Variants in CCDC102B observed in about 807,000 individuals in gnomAD.
The protein encoded by CCDC102B is coiled-coil domain-containing protein 102B.
In CCDC102B, 75 loss-of-function variants were observed where a neutral mutation model predicts 57.4. The ratio of observed to expected loss-of-function variants is 1.31; its 90% CI spans 1.08 to 1.58. The LOEUF (loss-of-function observed/expected upper bound fraction) is 1.58. CCDC102B is among the 40% of genes most tolerant of loss of function. CCDC102B has a pLI of 0.00. For missense variants in CCDC102B, 636 were observed against 582.6 expected, an observed-to-expected ratio of 1.09 and a Z score of -0.94; for synonymous variants, 206 against 201.9, an observed-to-expected ratio of 1.02 and a Z score of -0.17.
At chr18:68,838,550 A>C in intron 2 of CCDC102B, 156 bp from the exon 3 acceptor site, 1 of 985,422 alleles carries the variant, frequency 1.0e-6, no homozygotes, top group Non-Finnish European at 1.2e-6. Flanking sequence ...GAAGAATGCA[A>C]GTAAGTGTGG....
chr18:68,775,046 CT>C (rs1261066798), intron 2 of CCDC102B, among the ~76,000 whole-genome samples: 1 of 146,186 alleles, frequency 6.8e-6, no homozygotes, highest in Non-Finnish European at 1.5e-5. Context: ...TTTGTTTTGT[CT>C]TTTCACTTTG....
chr18:68,993,445 C>T (rs2050930917), intron 6 of CCDC102B: 2 of 152,200 alleles, frequency 1.3e-5, no homozygotes, highest in African/African-American at 4.8e-5. Context: ...AAATGCCTGC[C>T]TTCCATTTCT....
At chr18:69,008,585 G>A (rs2051415536) in intron 6 of CCDC102B, among the ~76,000 whole-genome samples, 1 of 152,156 alleles carries the variant, frequency 6.6e-6, no homozygotes, top group Non-Finnish European at 1.5e-5. Flanking sequence ...ACTAGGAGGT[G>A]GACATTCTTG....
At chr18:68,981,935 G>A (rs564683571) in intron 6 of CCDC102B, among the ~76,000 whole-genome samples, 36 of 151,748 alleles carry the variant, frequency 2.4e-4, no homozygotes, top group Middle Eastern at 6.8e-3. Flanking sequence ...CTTTTTTATG[G>A]CTGCATAGTA....
chr18:68,796,026 G>C (rs541507529), upstream of CCDC102B, among the ~76,000 whole-genome samples: 15 of 152,272 alleles, frequency 9.9e-5, no homozygotes, highest in African/African-American at 3.6e-4. Context: ...AAAAGCCAAT[G>C]TATTATGAAG....
At chr18:68,755,271 C>T (rs1275202117) in intron 2 of CCDC102B, among the ~76,000 whole-genome samples, 1 of 152,130 alleles carries the variant, frequency 6.6e-6, no homozygotes, top group East Asian at 1.9e-4. Context: ...TCACTAAGCT[C>T]CTGGCTGTGG....
chr18:68,833,175 C>T lies in CCDC102B; in HGVS notation c.-15-3574C>T, dbSNP rs537857570. ...TGGTAGCTCAGGATTCAAATTTCCT[C>T]AGTTTCCAAACTGGGTTGACCCCTT... On this transcript the variant is annotated intron_variant, in intron 1 of 7. Transcript: ENST00000360242. Among the ~76,000 whole-genome samples the T allele has an allele frequency of 5.3e-5, 8 of 152,272 alleles. No homozygotes were observed. The East Asian group carries it at 1.5e-3, about 29-fold the overall frequency.
chr18:68,970,773 C>T (rs17079995), intron 6 of CCDC102B, among the ~76,000 whole-genome samples: 3,690 of 152,018 alleles, frequency 0.024, 119 homozygotes, highest in East Asian at 0.15. Context: ...ACCTGAAATA[C>T]TCCAAGAAGT....
intron 2 of CCDC102B, among the ~76,000 whole-genome samples, chr18:68,750,626 A>C (rs188343314): frequency 2.0e-5 from 3 of 152,254 alleles, no homozygotes; most frequent in Admixed American, 2.0e-4. Context: ...GCTGTAAAAA[A>C]CAATGAGTTC....
intron 7 of CCDC102B, among the ~76,000 whole-genome samples, chr18:69,032,196 A>C (rs1193792127): frequency 6.6e-6 from 1 of 152,172 alleles, no homozygotes; most frequent in Admixed American, 6.6e-5. Context: ...TACTCTTAAC[A>C]AGCTTCCTTC....
At chr18:68,796,603 T>G (rs2035636597), upstream of CCDC102B, among the ~76,000 whole-genome samples, 1 of 151,968 alleles carries the variant, frequency 6.6e-6, no homozygotes, top group Non-Finnish European at 1.5e-5. Context: ...ATATGTAGAT[T>G]TATCTAAGAA....
At chr18:68,829,807 A>G (rs1157011742) in intron 1 of CCDC102B, among the ~76,000 whole-genome samples, 1 of 152,056 alleles carries the variant, frequency 6.6e-6, no homozygotes, top group East Asian at 1.9e-4. Flanking sequence ...AATTGGGGTC[A>G]TCTGTGGCTT....
chr18:69,031,565 A>G (rs2052146338), intron 7 of CCDC102B, among the ~76,000 whole-genome samples: 1 of 151,806 alleles, frequency 6.6e-6, no homozygotes, highest in Non-Finnish European at 1.5e-5. Context: ...CTTTAATTTT[A>G]ATCAATTAAA....
chr18:68,747,184 T>C (rs1046630705), intron 2 of CCDC102B, among the ~76,000 whole-genome samples: 9 of 152,104 alleles, frequency 5.9e-5, no homozygotes, highest in Non-Finnish European at 1.3e-4. Context: ...ATTCCTTCTA[T>C]CTAATTGTAA....
intron 2 of CCDC102B, among the ~76,000 whole-genome samples, chr18:68,741,467 G>T (rs62100009): frequency 0.035 from 5,358 of 152,162 alleles, 236 homozygotes; most frequent in African/African-American, 0.095. Flanking sequence ...TGAACCATGG[G>T]GATCTAAGTG....
chr18:68,797,967 G>A (rs2035690808), upstream of CCDC102B: 1 of 152,020 alleles, frequency 6.6e-6, no homozygotes, highest in Non-Finnish European at 1.5e-5. Context: ...TTGGCTCAAT[G>A]GTGATCCAAA....
chr18:68,935,908 C>T (rs761145557), intron 6 of CCDC102B, among the ~76,000 whole-genome samples: 4 of 151,994 alleles, frequency 2.6e-5, no homozygotes, highest in South Asian at 2.1e-4. Flanking sequence ...CACTCTCCTC[C>T]TCATGTTCAT....
Position 69,055,143 on chromosome 18 carries a change from A to T in CCDC102B, c.*1006A>T. On this transcript the variant is annotated 3_prime_UTR_variant, in exon 8 of 8. Transcript: ENST00000360242. ...TCCATTGATTAGCCAAAAAAAAATG[A>T]AATCTTACTAATTCATTATTGAATA... The T allele has an allele frequency of 1.0e-6, 1 of 981,422 alleles. No individual in the cohort carries two copies. Among genetic ancestry groups the T allele is most frequent in the South Asian group, 4.7e-5 (1 of 21,212 alleles). The allele number at this position is 981,422 out of a possible 1,614,324, so 60.8% of individuals were successfully genotyped here.
intron 3 of CCDC102B, among the ~76,000 whole-genome samples, chr18:68,843,251 G>A (rs1293513928): frequency 6.6e-6 from 1 of 152,082 alleles, no homozygotes; most frequent in Non-Finnish European, 1.5e-5. Context: ...ATTTTGAACT[G>A]TTATAAAAAT....
Sources: gnomAD v4.1 joint callset for allele counts (sites outside exome capture counted in the v4.1 genomes callset) on GRCh38, gnomAD v4.1.1 for gene constraint, MANE v1.5 for transcripts, NCBI Gene and HGNC (gene_info 2026-07-23, HGNC 2026-07-21) for gene names.